The following NDUFV2 variants were observed in gnomAD, a reference collection of about 807,000 sequenced individuals.
The protein encoded by NDUFV2 is NADH dehydrogenase [ubiquinone] flavoprotein 2, mitochondrial.
A neutral mutation model predicts 31.6 loss-of-function variants in NDUFV2; 18 were observed. The observed-to-expected ratio is 0.57, with a 90% CI of 0.39 to 0.84. The LOEUF (loss-of-function observed/expected upper bound fraction) is 0.84, where lower values mean the gene tolerates loss of function less well. NDUFV2 is among the 40% of genes least tolerant of loss of function. The pLI is 0.00. For synonymous variants in NDUFV2, 83 were observed against 99.8 expected, an observed-to-expected ratio of 0.83 and a Z score of 1.01; for missense variants, 314 against 303.6, an observed-to-expected ratio of 1.03 and a Z score of -0.26.
At chr18:9,131,111 C>T (rs140814741) in intron 7 of NDUFV2, among the ~76,000 whole-genome samples, 96 of 152,244 alleles carry the variant, frequency 6.3e-4, no homozygotes, top group African/African-American at 2.2e-3. Flanking sequence ...TATATACTGA[C>T]TGTATTCTTA....
intron 1 of NDUFV2, chr18:9,103,089 T>C (rs1166736728): frequency 2.4e-6 from 1 of 424,146 alleles, no homozygotes; most frequent in South Asian, 6.7e-5. Flanking sequence ...TGTTTTGCTG[T>C]AGCGCAGAAT....
intron 5 of NDUFV2, among the ~76,000 whole-genome samples, chr18:9,122,975 T>G (rs977521822): frequency 2.0e-5 from 3 of 152,248 alleles, no homozygotes; most frequent in Non-Finnish European, 4.4e-5. Flanking sequence ...CTTAGAAAAT[T>G]GTTTCACTTA....
chr18:9,131,144 TG>T (rs1348186335), intron 7 of NDUFV2, among the ~76,000 whole-genome samples: 2 of 151,686 alleles, frequency 1.3e-5, no homozygotes, highest in East Asian at 3.8e-4. Context: ...GAAAAGAAAA[TG>T]TTATTAAAAT....
At chr18:9,130,427 C>CT (rs974338073) in intron 7 of NDUFV2, among the ~76,000 whole-genome samples, 1 of 152,128 alleles carries the variant, frequency 6.6e-6, no homozygotes, top group African/African-American at 2.4e-5. Context: ...GTCCGAATCT[C>CT]TTTTTTTACT....
At chr18:9,119,419 A>C in intron 3 of NDUFV2, 31 bp downstream of exon 3, 1 of 1,603,702 alleles carries the variant, frequency 6.2e-7, no homozygotes, top group Non-Finnish European at 8.5e-7. Context: ...TAATTAATTT[A>C]CCAAATAGGT....
At chr18:9,132,991 C>T (rs998834398) in intron 7 of NDUFV2, among the ~76,000 whole-genome samples, 3 of 152,162 alleles carry the variant, frequency 2.0e-5, no homozygotes, top group Non-Finnish European at 4.4e-5. Flanking sequence ...TATACAATGA[C>T]TGCTTTTTTA....
At chr18:9,127,182 A>T (rs922063944) in intron 7 of NDUFV2, among the ~76,000 whole-genome samples, 4 of 152,228 alleles carry the variant, frequency 2.6e-5, no homozygotes, top group African/African-American at 9.6e-5. Flanking sequence ...TAGAAGATTG[A>T]CCCAAAGACC....
chr18:9,107,278 CT>C (rs1437574821), intron 1 of NDUFV2, among the ~76,000 whole-genome samples: 1 of 152,106 alleles, frequency 6.6e-6, no homozygotes, highest in Non-Finnish European at 1.5e-5. Flanking sequence ...GTTGACTTTC[CT>C]TTCTCTTTGG....
chr18:9,123,615 G>C (rs1213653139), intron 5 of NDUFV2, among the ~76,000 whole-genome samples: 1 of 152,000 alleles, frequency 6.6e-6, no homozygotes, highest in African/African-American at 2.4e-5. Flanking sequence ...CTTCCAAGTA[G>C]CTGTAGCTAT....
intron 1 of NDUFV2, among the ~76,000 whole-genome samples, chr18:9,109,265 A>C (rs1362299095): frequency 2.6e-5 from 4 of 152,206 alleles, no homozygotes; most frequent in African/African-American, 7.2e-5. Flanking sequence ...GATCATCTAA[A>C]AGGTATATTC....
At position 9,133,925 on chromosome 18, in the gene NDUFV2, G is replaced by A. The variant is rs116876812; in HGVS notation, c.657-261G>A. Among the ~76,000 whole-genome samples, 596 of 152,220 alleles carry A rather than the reference G, an allele frequency of 3.9e-3. 2 individuals carry two copies. The highest frequency in any genetic ancestry group is 7.0e-3 in the Non-Finnish European group (479 of 68,024). On this transcript the variant is annotated intron_variant, in intron 7 of 7. Coordinates refer to ENST00000318388, the MANE Select transcript of NDUFV2 (RefSeq NM_021074.5). ...GTAAGGATTCAATGAGCTAGTGTAT[G>A]CATACTGCTCAGTAAATAGGAACTA...
chr18:9,117,478 G>T, intron 1 of NDUFV2: 1 of 263,082 alleles, frequency 3.8e-6, no homozygotes, highest in Non-Finnish European at 7.5e-6. Context: ...CACACTAAGT[G>T]AAAGCTGGCA....
At chr18:9,126,633 A>G in intron 6 of NDUFV2, 198 bp from the exon 7 acceptor site, 1 of 539,742 alleles carries the variant, frequency 1.9e-6, no homozygotes, top group Non-Finnish European at 3.4e-6. Context: ...TACAGATTTC[A>G]GCCGTAGAAA....
chr18:9,127,720 C>T (rs1440429468), intron 7 of NDUFV2, among the ~76,000 whole-genome samples: 1 of 152,184 alleles, frequency 6.6e-6, no homozygotes, highest in African/African-American at 2.4e-5. Flanking sequence ...GATCTGCCCG[C>T]TTCAGACTCC....
At chr18:9,128,785 C>T (rs2078014482) in intron 7 of NDUFV2, among the ~76,000 whole-genome samples, 1 of 152,184 alleles carries the variant, frequency 6.6e-6, no homozygotes, top group South Asian at 2.1e-4. Flanking sequence ...TGTACTTCAG[C>T]CCATAACTTC....
chr18:9,120,362 T>C lies in NDUFV2; in HGVS notation c.300+772T>C, dbSNP rs2077925948. ...CCTGATTTTTCTCTGAACTTCCTCA[T>C]TGGCAATGAAAGTTTTGAACCAGGT... On this transcript the variant is annotated intron_variant, in intron 4 of 7. Transcript: ENST00000318388. 2.0e-5 allele frequency among the ~76,000 whole-genome samples: 3 copies of C among 152,220 alleles called. No individual in the cohort carries two copies. In the South Asian group the frequency reaches 6.2e-4, roughly 31 times the overall value.
intron 7 of NDUFV2, among the ~76,000 whole-genome samples, chr18:9,132,851 G>C (rs558271045): frequency 6.6e-6 from 1 of 152,028 alleles, no homozygotes; most frequent in Non-Finnish European, 1.5e-5. Flanking sequence ...TCCCAGCCTG[G>C]GTGACAAAGT....
intron 1 of NDUFV2, chr18:9,104,172 T>G (rs1355176142): frequency 6.2e-7 from 1 of 1,612,796 alleles, no homozygotes; most frequent in Non-Finnish European, 8.5e-7. Flanking sequence ...ACTTAAAGTC[T>G]TGTTGGCAAG....
At chr18:9,124,161 T>C (rs2077965304) in intron 5 of NDUFV2, among the ~76,000 whole-genome samples, 1 of 151,978 alleles carries the variant, frequency 6.6e-6, no homozygotes, top group South Asian at 2.1e-4. Context: ...AAAAACTTCC[T>C]TGAATGTTAA....
Sources: allele counts gnomAD v4.1 joint callset (sites outside exome capture counted in the v4.1 genomes callset), GRCh38; gene constraint gnomAD v4.1.1; transcripts MANE v1.5; gene names NCBI Gene and HGNC (gene_info 2026-07-23, HGNC 2026-07-21).